Variants in PCNX1 observed in about 807,000 individuals in gnomAD.
PCNX1 encodes the protein pecanex-like protein 1.
In PCNX1, 78 loss-of-function variants were observed where a neutral mutation model predicts 242.2. That is an observed-to-expected ratio of 0.32 (90% CI 0.27 to 0.39). The LOEUF (loss-of-function observed/expected upper bound fraction) is 0.39, where lower values mean the gene tolerates loss of function less well. Among genes scored for constraint, PCNX1 ranks in the 10% least tolerant of loss-of-function variants. PCNX1 has a pLI of 1.00. For missense variants in PCNX1, 2,581 were observed against 2,856.5 expected (o/e 0.90, Z 2.20); for synonymous variants, 1,024 against 1,032.9 (o/e 0.99, Z 0.17).
intron 1 of PCNX1, among the ~76,000 whole-genome samples, chr14:70,923,024 T>TA (rs1440404547): frequency 6.6e-6 from 1 of 152,180 alleles, no homozygotes; most frequent in Non-Finnish European, 1.5e-5. Flanking sequence ...TGTGATAGTG[T>TA]AAAATGGCAT....
chr14:70,931,009 A>T (rs906241826), intron 1 of PCNX1, among the ~76,000 whole-genome samples: 3 of 152,164 alleles, frequency 2.0e-5, no homozygotes, highest in Non-Finnish European at 4.4e-5. Flanking sequence ...TGTAAGCCTT[A>T]TTAAAAACAT....
chr14:71,111,074 TTC>T lies in PCNX1; in HGVS notation c.*1141_*1142del. On this transcript the variant is annotated 3_prime_UTR_variant, in exon 36 of 36. Coordinates refer to ENST00000304743, the MANE Select transcript of PCNX1 (RefSeq NM_014982.3). Reference sequence around the variant, plus strand: ...AATTTTGCTTTTTATTTTTCCCCTCTTCTTTTTCTGTTACTTGAATTTTATTT... The same window carrying T: ...AATTTTGCTTTTTATTTTTCCCCTCTTTTTTCTGTTACTTGAATTTTATTT... 6.5e-6 allele frequency: 1 copy of T among 152,768 alleles called. No individual in the cohort carries two copies. The highest frequency in any genetic ancestry group is 3.4e-3 in the Middle Eastern group (1 of 294). The allele number at this position is 152,768 out of a possible 1,614,324, so 9.5% of individuals were successfully genotyped here.
Position 70,938,783 on chromosome 14 carries a change from A to G in PCNX1, c.154-8132A>G, listed in dbSNP as rs1484853999. Among the ~76,000 whole-genome samples the G allele has an allele frequency of 3.3e-5, 5 of 152,274 alleles. No individual in the cohort carries two copies. The South Asian group carries it at 8.3e-4, about 25-fold the overall frequency. On this transcript the variant is annotated intron_variant, in intron 1 of 35. Coordinates refer to ENST00000304743, the MANE Select transcript of PCNX1 (RefSeq NM_014982.3). Reference sequence around the variant, plus strand: ...CTGGACTTTTTTTGGTTGGTAGGCTATTAATTATTGCCTCAATTTCAAAGC... The same window carrying G: ...CTGGACTTTTTTTGGTTGGTAGGCTGTTAATTATTGCCTCAATTTCAAAGC...
At chr14:71,090,360 T>C (rs1313433577) in intron 30 of PCNX1, among the ~76,000 whole-genome samples, 1 of 152,216 alleles carries the variant, frequency 6.6e-6, no homozygotes, top group Non-Finnish European at 1.5e-5. Flanking sequence ...CTCATTAAAG[T>C]GTATCTGCAG....
At chr14:71,075,856 A>G (rs982254887) in intron 27 of PCNX1, among the ~76,000 whole-genome samples, 1 of 152,112 alleles carries the variant, frequency 6.6e-6, no homozygotes, top group Admixed American at 6.6e-5. Context: ...ATCGCACTCT[A>G]GCATGGGCGA....
In PCNX1 at chr14:70,973,854, AT is replaced by A. The variant is rs928911653; in HGVS notation, c.605-3081del. Reference sequence around the variant, plus strand: ...TTTTTTTTGCATATCATTTTTTCATATTTTTTTGCTTTGATATAATTCAGTG... The same window carrying A: ...TTTTTTTTGCATATCATTTTTTCATATTTTTTGCTTTGATATAATTCAGTG... On this transcript the variant is annotated intron_variant, in intron 5 of 35. Transcript: ENST00000304743. Among the ~76,000 whole-genome samples, 232 of 151,976 alleles carry A rather than the reference AT, an allele frequency of 1.5e-3. 4 individuals are homozygous for A. Among genetic ancestry groups the A allele is most frequent in the East Asian group, 9.7e-4 (5 of 5,178 alleles).
chr14:71,053,268 T>C, intron 24 of PCNX1: 1 of 453,046 alleles, frequency 2.2e-6, no homozygotes, highest in Non-Finnish European at 4.4e-6. Context: ...TTTTTTTTCT[T>C]TTCTTTTCTT....
intron 27 of PCNX1, among the ~76,000 whole-genome samples, chr14:71,075,019 G>T: frequency 7.5e-6 from 1 of 133,796 alleles, no homozygotes. Context: ...TTTTGAGACA[G>T]GGTTTCATTC....
chr14:71,012,837 AAGTGTATGAGAGAAG>A, intron 10 of PCNX1, 133 bp from the exon 11 acceptor site: 1 of 605,528 alleles, frequency 1.7e-6, no homozygotes, highest in Non-Finnish European at 2.8e-6. Flanking sequence ...AAAAAAAAAA[AAGTGTATGAGAGAAG>A]AAAATTAAAG....
At chr14:71,002,342 T>C (rs2059530376) in intron 8 of PCNX1, among the ~76,000 whole-genome samples, 1 of 152,082 alleles carries the variant, frequency 6.6e-6, no homozygotes, top group Non-Finnish European at 1.5e-5. Flanking sequence ...GGTCAGTCTT[T>C]ATTTTCTTGT....
intron 15 of PCNX1, among the ~76,000 whole-genome samples, chr14:71,027,812 A>C (rs2060278072): frequency 6.6e-6 from 1 of 151,956 alleles, no homozygotes; most frequent in Non-Finnish European, 1.5e-5. Flanking sequence ...TGGTTTCATC[A>C]ATCAGCATGG....
intron 1 of PCNX1, among the ~76,000 whole-genome samples, chr14:70,915,706 G>T (rs1359568337): frequency 6.6e-6 from 1 of 152,084 alleles, no homozygotes; most frequent in Non-Finnish European, 1.5e-5. Context: ...TTAAATATTT[G>T]TACTAGTATT....
chr14:71,107,018 C>G (rs1001609096), intron 33 of PCNX1, among the ~76,000 whole-genome samples: 1 of 152,038 alleles, frequency 6.6e-6, no homozygotes, highest in Non-Finnish European at 1.5e-5. Context: ...AGAAAATTTT[C>G]CCTGTCCCTA....
chr14:70,907,700 C>A lies in PCNX1; in HGVS notation c.-151C>A. The A allele has an allele frequency of 2.1e-6, 2 of 956,806 alleles. No homozygotes were observed. The highest frequency in any genetic ancestry group is 1.7e-5 in the African/African-American group (1 of 58,026). 59.3% of individuals were successfully genotyped at this position (956,806 alleles called of 1,614,324 possible). On this transcript the variant is annotated 5_prime_UTR_variant, in exon 1 of 36. Coordinates refer to ENST00000304743, the MANE Select transcript of PCNX1 (RefSeq NM_014982.3). ...CTGCCTCCTCCTCCTCCTGCAGCAG[C>A]ACCAGCGACCGCCGAAGCGCCGGCT...
chr14:71,067,386 T>C (rs940564763), intron 26 of PCNX1, among the ~76,000 whole-genome samples: 1 of 152,168 alleles, frequency 6.6e-6, no homozygotes, highest in African/African-American at 2.4e-5. Context: ...TTCTAGACTT[T>C]CTAGTTTATT....
At chr14:70,995,513 T>G (rs928301018) in intron 7 of PCNX1, among the ~76,000 whole-genome samples, 5 of 152,230 alleles carry the variant, frequency 3.3e-5, no homozygotes, top group African/African-American at 1.2e-4. Flanking sequence ...CCAATTTACA[T>G]GTACATTTAA....
At chr14:71,075,384 C>G (rs973896573) in intron 27 of PCNX1, among the ~76,000 whole-genome samples, 1 of 152,004 alleles carries the variant, frequency 6.6e-6, no homozygotes, top group Admixed American at 6.6e-5. Flanking sequence ...TTTGGCTTAA[C>G]CTAACCTCAG....
intron 5 of PCNX1, among the ~76,000 whole-genome samples, chr14:70,976,338 G>A (rs964021422): frequency 6.7e-6 from 1 of 149,890 alleles, no homozygotes; most frequent in African/African-American, 2.5e-5. Flanking sequence ...CCTATTTTAA[G>A]TATAGTCCTT....
chr14:70,978,321 G>A lies in PCNX1; in HGVS notation c.1984G>A (p.Ala662Thr). ...CACAGACTCTGAACACACACACAAAGCTCATTTGGTTCCTGAAGGAACCAG... is the reference window on the plus strand; with the variant it reads ...CACAGACTCTGAACACACACACAAAACTCATTTGGTTCCTGAAGGAACCAG... ...RGTDSEHTHK[A>T]HLVPEGTSKK... Residue 662 changes from alanine to threonine, a missense_variant, in exon 6 of 36, where the codon GCT becomes ACT. By Grantham distance (58) the Ala-to-Thr change is moderately conservative. This residue lies in a region of PCNX1 where 1,204 missense variants were observed against 1,216.7 expected (regional missense o/e 0.99). Coordinates refer to ENST00000304743, the MANE Select transcript of PCNX1 (RefSeq NM_014982.3). The A allele has an allele frequency of 6.2e-7, 1 of 1,614,156 alleles. No individual in the cohort carries two copies. Among genetic ancestry groups the A allele is most frequent in the Non-Finnish European group, 8.5e-7 (1 of 1,180,014 alleles).
Sources: gnomAD v4.1 joint callset for allele counts (sites outside exome capture counted in the v4.1 genomes callset) on GRCh38, gnomAD v4.1.1 for gene constraint, gnomAD v4.1.1 regional missense constraint, MANE v1.5 for transcripts, NCBI Gene and HGNC (gene_info 2026-07-23, HGNC 2026-07-21) for gene names.